Variants in FASTKD3 observed in about 807,000 individuals in gnomAD.
FASTKD3 encodes FAST kinase domain-containing protein 3, mitochondrial.
FASTKD3 carries 47 observed loss-of-function variants against 49.7 expected under a neutral mutation model. The observed-to-expected ratio is 0.95, with a 90% confidence interval of 0.75 to 1.21. The LOEUF is 1.21. Ranked by LOEUF, FASTKD3 falls within the 50% of genes most tolerant of loss-of-function variation. The pLI, the probability that FASTKD3 is intolerant of heterozygous loss-of-function variation, is 0.00. For synonymous variants in FASTKD3, 284 were observed against 288.6 expected (o/e 0.98, Z 0.16); for missense variants, 748 against 765.7 (o/e 0.98, Z 0.27).
At position 7,867,615 on chromosome 5, in the gene FASTKD3, T is replaced by C. The variant is rs748051175; in HGVS notation, c.469A>G (p.Ser157Gly). Residue 157 changes from serine to glycine, a missense_variant, in exon 2 of 7, where the codon AGC (serine) becomes GGC (glycine). By Grantham distance (56) the Ser-to-Gly change is moderately conservative. Transcript: ENST00000264669. The stretch of plus-strand genomic sequence containing the variant: ...TGAAAGCATAAAGCTTGAAAGATGC[T>C]ATTCTCCAGTATTTCTTTTGGCAGC... ...QGLPKEILEN[S>G]IFQALCFQFE... 4 of 1,614,134 alleles carry C rather than the reference T, an allele frequency of 2.5e-6. No homozygotes were observed. In the African/African-American group the frequency reaches 4.0e-5, roughly 16 times the overall value.
In FASTKD3 at chr5:7,869,010, C is replaced by T. The variant is rs762855940; in HGVS notation, c.-145G>A. ...CTGCCGGGCAATCACTCCGGGTGGT[C>T]GCGGAAGCGCCTGGGCGTCGTGGGC... On this transcript the variant is annotated 5_prime_UTR_variant, in exon 1 of 7. Transcript: ENST00000264669. 2 of 1,176,426 alleles carry T rather than the reference C, an allele frequency of 1.7e-6. No homozygotes were observed. Among genetic ancestry groups the T allele is most frequent in the African/African-American group, 1.5e-5 (1 of 66,548 alleles). The allele number at this position is 1,176,426 out of a possible 1,614,324, so 72.9% of individuals were successfully genotyped here. A position where few individuals can be genotyped will look rare whatever the true frequency, so the allele number is the denominator to read the frequency against.
At chr5:7,866,564 T>TA in intron 2 of FASTKD3, 82 bp downstream of exon 2, 4 of 1,033,832 alleles carry the variant, frequency 3.9e-6, no homozygotes, top group Non-Finnish European at 5.7e-6. Flanking sequence ...AAAGGCAACA[T>TA]ATTGCCTTTA....
At chr5:7,865,072 T>C (rs1239430115) in intron 3 of FASTKD3, among the ~76,000 whole-genome samples, 1 of 152,152 alleles carries the variant, frequency 6.6e-6, no homozygotes. Context: ...GGCCATGATA[T>C]ACTGCGCATA....
chr5:7,867,678 G>A lies in FASTKD3; in HGVS notation c.406C>T (p.Arg136Ter), dbSNP rs962848866. 1.9e-6 allele frequency: 3 copies of A among 1,613,932 alleles called. No individual in the cohort carries two copies. Among genetic ancestry groups the A allele is most frequent in the Non-Finnish European group, 2.5e-6 (3 of 1,180,026 alleles). Residue 136 changes from arginine to a stop codon, truncating the protein, a stop_gained, in exon 2 of 7, where the codon CGA becomes TGA. Coordinates refer to ENST00000264669, the MANE Select transcript of FASTKD3 (RefSeq NM_024091.4). LOFTEE classifies it high-confidence loss of function. ...PDTMAAGALQ[R>*]ICEVEKKDGD... is the part of the protein sequence containing the mutation. Reference sequence around the variant, plus strand: ...TCCTTTTTTTCCACTTCACAAATTCGTTGTAAAGCTCCTGCTGCCATAGTG... The same window carrying A: ...TCCTTTTTTTCCACTTCACAAATTCATTGTAAAGCTCCTGCTGCCATAGTG...
At position 7,867,851 on chromosome 5, in the gene FASTKD3, C is replaced by T. The variant is rs1456192321; in HGVS notation, c.233G>A (p.Gly78Glu). The T allele has an allele frequency of 6.2e-7, 1 of 1,614,132 alleles. No individual in the cohort carries two copies. The highest frequency in any genetic ancestry group is 8.5e-7 in the Non-Finnish European group (1 of 1,180,028). The change falls in exon 2 of 7, where the codon GGA becomes GAA. Residue 78 changes from glycine to glutamate, a missense_variant. By Grantham distance (98) the Gly-to-Glu change is moderately conservative. Transcript: ENST00000264669. ...GTCAGATACTTGAGAGAACACTGGT[C>T]CACCGAGTGGATGAAGGTCATTTCC... Reference protein sequence around the residue: ...KNGNDLHPLGGPVFSQVSDCD... With the variant: ...KNGNDLHPLGEPVFSQVSDCD...
intron 3 of FASTKD3, among the ~76,000 whole-genome samples, chr5:7,864,496 G>A (rs752217005): frequency 6.6e-5 from 10 of 151,886 alleles, no homozygotes; most frequent in Non-Finnish European, 1.2e-4. Flanking sequence ...AGTACAAATC[G>A]GGAAAATATG....
In FASTKD3 at chr5:7,867,379, T is replaced by C; in HGVS notation, c.705A>G (p.Thr235=). 6.2e-7 allele frequency: 1 copy of C among 1,614,236 alleles called. No homozygotes were observed. Among genetic ancestry groups the C allele is most frequent in the Non-Finnish European group, 8.5e-7 (1 of 1,180,050 alleles). ...GAAGTTGATTTATAATGAGTTCTAG[T>C]GTCACACAACCTGAACTGTGCAGTG... The part of the protein sequence containing the change: ...LITLHSSGCV[T]LELIINQLQG... The change falls in exon 2 of 7, where the codon ACA becomes ACG. Residue 235 remains threonine (T), a synonymous_variant. Coordinates refer to ENST00000264669, the MANE Select transcript of FASTKD3 (RefSeq NM_024091.4).
rs768521285 is a variant in FASTKD3 at position 7,862,980 on chromosome 5, A to G, written c.1542T>C (p.Pro514=). 7.1e-5 allele frequency: 115 copies of G among 1,613,700 alleles called. 1 individual carries two copies. In the Admixed American group the frequency reaches 1.9e-3, roughly 27 times the overall value. The part of the protein sequence containing the change: ...CPFYKGPKLL[P]KYQVKSFLTP... The stretch of plus-strand genomic sequence containing the variant: ...TAAGAAATGACTTCACTTGATATTT[A>G]GGAAGGAGTTTTGGACCCTAAAAAA... The change falls in exon 4 of 7, where the codon CCT becomes CCC. Residue 514 remains proline, a synonymous_variant. Coordinates refer to ENST00000264669, the MANE Select transcript of FASTKD3 (RefSeq NM_024091.4).
At chr5:7,862,530 C>A (rs188319692) in intron 4 of FASTKD3, among the ~76,000 whole-genome samples, 24 of 152,120 alleles carry the variant, frequency 1.6e-4, no homozygotes, top group African/African-American at 5.5e-4. Flanking sequence ...TTTATTTAGA[C>A]CTTAAGTAAG....
intron 4 of FASTKD3, chr5:7,861,904 G>T: frequency 1.4e-5 from 7 of 507,930 alleles, no homozygotes; most frequent in Non-Finnish European, 2.1e-5. Context: ...GAAGTTATCT[G>T]GGGTATGACA....
In FASTKD3 at chr5:7,867,172, C is replaced by G. The variant is rs377319919; in HGVS notation, c.912G>C (p.Val304=). 2 of 1,613,986 alleles carry G rather than the reference C, an allele frequency of 1.2e-6. No individual in the cohort carries two copies. The highest frequency in any genetic ancestry group is 2.7e-5 in the African/African-American group (2 of 74,912). The change falls in exon 2 of 7, where the codon GTG becomes GTC. Residue 304 remains valine, a synonymous_variant. Coordinates refer to ENST00000264669, the MANE Select transcript of FASTKD3 (RefSeq NM_024091.4). Reference sequence around the variant, plus strand: ...GAAATGCTTGACTTTGATCAAGAACCACCAGGGCAGTGAGCATTTGGCTAA... The same window carrying G: ...GAAATGCTTGACTTTGATCAAGAACGACCAGGGCAGTGAGCATTTGGCTAA... ...KLISQMLTAL[V]VLDQSQAFPL...
chr5:7,869,003 GGGT>G lies in FASTKD3; in HGVS notation c.-141_-139del. ...CCGCGCTCTGCCGGGCAATCACTCC[GGGT>G]GGTCGCGGAAGCGCCTGGGCGTCGT... is the stretch of plus-strand genomic sequence containing the variant. On this transcript the variant is annotated 5_prime_UTR_variant, in exon 1 of 7. Coordinates refer to ENST00000264669, the MANE Select transcript of FASTKD3 (RefSeq NM_024091.4). 6 of 1,044,052 alleles carry G rather than the reference GGGT, an allele frequency of 5.7e-6. No homozygotes were observed. Among genetic ancestry groups the G allele is most frequent in the Non-Finnish European group, 8.9e-6 (6 of 672,562 alleles). The allele number at this position is 1,044,052 out of a possible 1,614,324, so 64.7% of individuals were successfully genotyped here. A position where few individuals can be genotyped will look rare whatever the true frequency, so the allele number is the denominator to read the frequency against.
chr5:7,864,209 CAT>C (rs34866983), intron 3 of FASTKD3, among the ~76,000 whole-genome samples: 5 of 152,232 alleles, frequency 3.3e-5, no homozygotes, highest in South Asian at 2.1e-4. Flanking sequence ...AGGTAATACA[CAT>C]GTTAATTGGT....
rs528058130 is a variant in FASTKD3, at chr5:7,866,185, G to A, written c.1439-202C>T. ...TGACTTCCAAGAACCCAAGCTCCTA[G>A]CTACAGAATACAATTAAAAGAGATA... On this transcript the variant is annotated intron_variant, in intron 2 of 6. Transcript: ENST00000264669. 4.6e-5 allele frequency among the ~76,000 whole-genome samples: 7 copies of A among 152,062 alleles called. No homozygotes were observed. In the South Asian group the frequency reaches 1.2e-3, roughly 27 times the overall value.
chr5:7,859,626 C>G (rs867653099), intron 6 of FASTKD3, 87 bp from the exon 7 acceptor site: 6 of 780,760 alleles, frequency 7.7e-6, no homozygotes, highest in Non-Finnish European at 1.2e-5. Flanking sequence ...GTTTCTTACA[C>G]GCTTCCCCAC....
chr5:7,867,106 G>A lies in FASTKD3; in HGVS notation c.978C>T (p.Val326=). The change falls in exon 2 of 7, where the codon GTC becomes GTT. Residue 326 remains valine, a synonymous_variant. Coordinates refer to ENST00000264669, the MANE Select transcript of FASTKD3 (RefSeq NM_024091.4). ...TAAGCTCCTCGTTAGTGAAATGTGG[G>A]ACATGCCTCACGACATATTTGCCCA... ...IKLGKYVVRH[V]PHFTNEELRR... 4 of 1,614,178 alleles carry A rather than the reference G, an allele frequency of 2.5e-6. No individual in the cohort carries two copies. The highest frequency in any genetic ancestry group is 3.4e-6 in the Non-Finnish European group (4 of 1,180,040).
At chr5:7,865,787 A>G (rs1746903117) in intron 3 of FASTKD3, 111 bp downstream of exon 3, 1 of 779,506 alleles carries the variant, frequency 1.3e-6, no homozygotes. Flanking sequence ...ACTGACTCCA[A>G]GTAAATGAAA....
chr5:7,864,024 T>C (rs1746752395), intron 3 of FASTKD3, among the ~76,000 whole-genome samples: 1 of 152,206 alleles, frequency 6.6e-6, no homozygotes. Flanking sequence ...TAATTTTTTG[T>C]ATTTTTAGTA....
At position 7,860,270 on chromosome 5, in the gene FASTKD3, A is replaced by G. The variant is rs374396662; in HGVS notation, c.1885-731T>C. The stretch of plus-strand genomic sequence containing the variant: ...AACCACAGTGCTGCCTAGTACTGAC[A>G]GCTTAGAGAATTAGGGCAGCGCTCA... On this transcript the variant is annotated intron_variant, in intron 6 of 6. Transcript: ENST00000264669. 7.9e-5 allele frequency among the ~76,000 whole-genome samples: 12 copies of G among 152,362 alleles called. No individual in the cohort carries two copies. The East Asian group carries it at 1.5e-3, about 20-fold the overall frequency.
Sources: allele counts gnomAD v4.1 joint callset (sites outside exome capture counted in the v4.1 genomes callset), GRCh38; gene constraint gnomAD v4.1.1; transcripts MANE v1.5; gene names NCBI Gene and HGNC (gene_info 2026-07-23, HGNC 2026-07-21).